Variants in DPP10 observed in about 807,000 individuals in gnomAD.
DPP10 encodes the protein inactive dipeptidyl peptidase 10.
In DPP10, 33 loss-of-function variants were observed where a neutral mutation model predicts 120.9. That is an observed-to-expected ratio of 0.27 (90% CI 0.21 to 0.37). DPP10 has a LOEUF of 0.37. DPP10 is among the 10% of genes least tolerant of loss of function. DPP10 has a pLI of 1.00. For synonymous variants in DPP10, 337 were observed against 326.1 expected (o/e 1.03, Z -0.36); for missense variants, 816 against 942.8 (o/e 0.87, Z 1.76).
At chr2:114,659,744 T>C (rs761504272) in intron 1 of DPP10, among the ~76,000 whole-genome samples, 12 of 152,168 alleles carry the variant, frequency 7.9e-5, no homozygotes, top group Non-Finnish European at 1.6e-4. Flanking sequence ...TGTTAAAAAA[T>C]GAAGTTATAC....
At position 114,643,754 on chromosome 2, in the gene DPP10, T is replaced by C. The variant is rs1447971417; in HGVS notation, c.60+200916T>C. On this transcript the variant is annotated intron_variant, in intron 1 of 25. Coordinates refer to ENST00000410059, the MANE Select transcript of DPP10 (RefSeq NM_020868.6). The stretch of plus-strand genomic sequence containing the variant: ...TAAACTCCTTCCAGGTTCTAGTTTG[T>C]TTGTTTATTTATTTATTGGAAGATT... Among the ~76,000 whole-genome samples the C allele has an allele frequency of 5.9e-5, 9 of 151,616 alleles. No individual in the cohort carries two copies. The East Asian group carries it at 1.7e-3, about 29-fold the overall frequency.
intron 1 of DPP10, among the ~76,000 whole-genome samples, chr2:114,844,861 T>C (rs920021843): frequency 6.6e-6 from 1 of 152,098 alleles, no homozygotes; most frequent in Non-Finnish European, 1.5e-5. Context: ...GAGAGAATAA[T>C]AGCAGAAGGA....
intron 2 of DPP10, among the ~76,000 whole-genome samples, chr2:115,332,666 C>T (rs556643668): frequency 2.6e-5 from 4 of 152,208 alleles, no homozygotes; most frequent in African/African-American, 9.6e-5. Context: ...TTATTTCTGC[C>T]TTCATTTTGT....
chr2:115,792,610 T>C (rs1684109193), intron 19 of DPP10, among the ~76,000 whole-genome samples: 1 of 152,184 alleles, frequency 6.6e-6, no homozygotes. Context: ...TTATTTGCTG[T>C]TTCTTAATTC....
intron 21 of DPP10, among the ~76,000 whole-genome samples, chr2:115,822,112 A>G (rs1407136869): frequency 6.6e-6 from 1 of 151,990 alleles, no homozygotes; most frequent in Non-Finnish European, 1.5e-5. Flanking sequence ...TAGTTTACTG[A>G]TAACTGATAA....
intron 5 of DPP10, chr2:115,526,278 A>G (rs2078130459): frequency 3.7e-6 from 1 of 269,104 alleles, no homozygotes; most frequent in Non-Finnish European, 7.0e-6. Flanking sequence ...AAGTTTCAAG[A>G]TAAGCCTTAC....
At chr2:115,730,859 C>T (rs1425816136) in intron 8 of DPP10, among the ~76,000 whole-genome samples, 3 of 152,050 alleles carry the variant, frequency 2.0e-5, no homozygotes, top group African/African-American at 4.8e-5. Context: ...CCTATGTTGC[C>T]GTTAACTAGG....
intron 1 of DPP10, among the ~76,000 whole-genome samples, chr2:114,539,009 G>A (rs1368407830): frequency 1.3e-5 from 2 of 152,088 alleles, no homozygotes; most frequent in Non-Finnish European, 1.5e-5. Context: ...AGGAGATGAG[G>A]ACAGACACTG....
chr2:115,361,087 C>T (rs1218943738), intron 3 of DPP10, among the ~76,000 whole-genome samples: 1 of 152,090 alleles, frequency 6.6e-6, no homozygotes, highest in Non-Finnish European at 1.5e-5. Flanking sequence ...ATGGAGCTCC[C>T]TCAGGCAGAG....
At chr2:115,558,991 T>A (rs2080393941) in intron 5 of DPP10, among the ~76,000 whole-genome samples, 1 of 152,314 alleles carries the variant, frequency 6.6e-6, no homozygotes, top group African/African-American at 2.4e-5. Context: ...GATCAAGCTT[T>A]CCAGGTCAAG....
chr2:115,743,728 T>G (rs1677589016), intron 9 of DPP10, among the ~76,000 whole-genome samples: 1 of 142,280 alleles, frequency 7.0e-6, no homozygotes, highest in Non-Finnish European at 1.5e-5. Flanking sequence ...CTCAAAGAAG[T>G]GTTTGTCTCA....
intron 5 of DPP10, among the ~76,000 whole-genome samples, chr2:115,685,999 T>C (rs1161987397): frequency 6.6e-6 from 1 of 152,106 alleles, no homozygotes; most frequent in African/African-American, 2.4e-5. Context: ...CAGTCATTCA[T>C]AGACATATGC....
chr2:115,024,490 A>T (rs1178015972), intron 1 of DPP10, among the ~76,000 whole-genome samples: 1 of 151,742 alleles, frequency 6.6e-6, no homozygotes, highest in Non-Finnish European at 1.5e-5. Context: ...GATTTATAGT[A>T]CACGTACATA....
At chr2:115,764,169 A>G (rs1477637885) in intron 12 of DPP10, among the ~76,000 whole-genome samples, 1 of 151,462 alleles carries the variant, frequency 6.6e-6, no homozygotes, top group Non-Finnish European at 1.5e-5. Flanking sequence ...GATGTTTTTT[A>G]CTTCTAATTG....
intron 1 of DPP10, among the ~76,000 whole-genome samples, chr2:114,484,650 G>A (rs1681340160): frequency 6.6e-6 from 1 of 152,030 alleles, no homozygotes; most frequent in Admixed American, 6.6e-5. Context: ...TCATCTAGGA[G>A]TTTGCTAGAA....
intron 3 of DPP10, among the ~76,000 whole-genome samples, chr2:115,452,238 T>A (rs1250273910): frequency 6.6e-6 from 1 of 151,982 alleles, no homozygotes; most frequent in Non-Finnish European, 1.5e-5. Context: ...CTAAGAGGGC[T>A]ATTACATGAG....
intron 1 of DPP10, among the ~76,000 whole-genome samples, chr2:115,108,436 A>C (rs1559104812): frequency 6.6e-6 from 1 of 152,342 alleles, no homozygotes; most frequent in East Asian, 1.9e-4. Context: ...TGTAAAATCT[A>C]TCTTTCCAAC....
intron 1 of DPP10, among the ~76,000 whole-genome samples, chr2:115,020,341 A>G (rs765152508): frequency 6.6e-6 from 1 of 152,212 alleles, no homozygotes; most frequent in Non-Finnish European, 1.5e-5. Flanking sequence ...ATGAACACCA[A>G]AAGTGAGCAG....
chr2:115,818,049 G>GA (rs34643894), intron 21 of DPP10, among the ~76,000 whole-genome samples: 1 of 151,642 alleles, frequency 6.6e-6, no homozygotes, highest in Admixed American at 6.6e-5. Context: ...ACAGTTCATT[G>GA]AAAAAAAAGA....
Sources: allele counts gnomAD v4.1 joint callset (sites outside exome capture counted in the v4.1 genomes callset), GRCh38; gene constraint gnomAD v4.1.1; transcripts MANE v1.5; gene names NCBI Gene and HGNC (gene_info 2026-07-23, HGNC 2026-07-21).